The following PHACTR1 variants were observed in gnomAD, a reference collection of about 807,000 sequenced individuals.
PHACTR1 encodes the protein phosphatase and actin regulator 1.
In PHACTR1, 16 loss-of-function variants were observed where a neutral mutation model predicts 69.2. That is an observed-to-expected ratio of 0.23 (90% CI 0.16 to 0.35). The LOEUF is 0.35. PHACTR1 is among the 10% of genes least tolerant of loss of function. The pLI is 1.00. For synonymous variants in PHACTR1, 312 were observed against 284.5 expected, an observed-to-expected ratio of 1.10 and a Z score of -0.97; for missense variants, 510 against 734.7, an observed-to-expected ratio of 0.69 and a Z score of 3.54.
At chr6:12,933,162 C>T (rs748066414) in intron 4 of PHACTR1, among the ~76,000 whole-genome samples, 84 of 151,944 alleles carry the variant, frequency 5.5e-4, no homozygotes, top group Non-Finnish European at 1.0e-3. Context: ...TCTTGAACCC[C>T]GGACCTCAGG....
At chr6:12,926,724 G>A (rs185967277) in intron 4 of PHACTR1, among the ~76,000 whole-genome samples, 1 of 152,350 alleles carries the variant, frequency 6.6e-6, no homozygotes, top group Admixed American at 6.5e-5. Flanking sequence ...GATTTATAGA[G>A]TGACTTTCTC....
intron 6 of PHACTR1, among the ~76,000 whole-genome samples, chr6:13,171,967 G>A (rs576032797): frequency 3.4e-4 from 52 of 152,094 alleles, no homozygotes; most frequent in East Asian, 3.9e-4. Flanking sequence ...GGTTTTCACC[G>A]TGTTGGCCAG....
intron 4 of PHACTR1, among the ~76,000 whole-genome samples, chr6:12,803,326 C>G (rs994986926): frequency 1.1e-4 from 16 of 152,154 alleles, no homozygotes; most frequent in African/African-American, 3.6e-4. Context: ...CACTTCTTCC[C>G]CTCTCATCCT....
chr6:12,758,605 A>C (rs903768810), intron 4 of PHACTR1, among the ~76,000 whole-genome samples: 3 of 152,136 alleles, frequency 2.0e-5, no homozygotes, highest in African/African-American at 4.8e-5. Flanking sequence ...TAAATCACAG[A>C]GAAGTTACAT....
chr6:13,041,905 C>T (rs1804238947), intron 4 of PHACTR1, among the ~76,000 whole-genome samples: 1 of 152,152 alleles, frequency 6.6e-6, no homozygotes, highest in Non-Finnish European at 1.5e-5. Context: ...CCCTTGACTC[C>T]TCTGTGTCTC....
intron 8 of PHACTR1, among the ~76,000 whole-genome samples, chr6:13,227,494 G>A (rs781356593): frequency 6.6e-6 from 1 of 151,950 alleles, no homozygotes; most frequent in Non-Finnish European, 1.5e-5. Flanking sequence ...CATTAAGTAC[G>A]TTCACATCAT....
chr6:13,284,308 A>C (rs1780986782), intron 13 of PHACTR1, among the ~76,000 whole-genome samples: 1 of 151,826 alleles, frequency 6.6e-6, no homozygotes, highest in Admixed American at 6.6e-5. Flanking sequence ...ACTTGAGGTC[A>C]GGAGTTCAAG....
At chr6:13,144,574 T>C in intron 5 of PHACTR1, among the ~76,000 whole-genome samples, 1 of 152,088 alleles carries the variant, frequency 6.6e-6, no homozygotes, top group Middle Eastern at 3.4e-3. Context: ...CCCAATAGGT[T>C]TTTTTATGAA....
intron 5 of PHACTR1, among the ~76,000 whole-genome samples, chr6:13,109,647 G>A (rs779265408): frequency 1.3e-5 from 2 of 151,760 alleles, no homozygotes; most frequent in African/African-American, 2.4e-5. Flanking sequence ...GGTTTGTTAT[G>A]CTTTTTGGAT....
intron 4 of PHACTR1, among the ~76,000 whole-genome samples, chr6:12,899,228 C>A (rs989077652): frequency 6.6e-6 from 1 of 152,182 alleles, no homozygotes; most frequent in Non-Finnish European, 1.5e-5. Flanking sequence ...TTGCCCACAC[C>A]TATCACATGC....
At chr6:13,006,471 T>C (rs1798805526) in intron 4 of PHACTR1, among the ~76,000 whole-genome samples, 1 of 152,192 alleles carries the variant, frequency 6.6e-6, no homozygotes, top group Non-Finnish European at 1.5e-5. Flanking sequence ...GGGAAATTCA[T>C]TTAATCTCAC....
rs531073119 is a variant in PHACTR1, at chr6:12,871,841, A to T, written c.250+122051A>T. 3.7e-4 allele frequency among the ~76,000 whole-genome samples: 56 copies of T among 151,846 alleles called. 2 individuals carry two copies. The highest frequency in any genetic ancestry group is 1.3e-3 in the African/African-American group (55 of 41,398). On this transcript the variant is annotated intron_variant, in intron 4 of 14. Coordinates refer to ENST00000332995, the MANE Select transcript of PHACTR1 (RefSeq NM_030948.6). ...GAAATTGTTATTTAATAATTCTCCC[A>T]TTTCCTCTGCATTGATTAGCTGGTA...
At chr6:13,182,210 G>T (rs1045439370) in intron 6 of PHACTR1, among the ~76,000 whole-genome samples, 19 of 152,158 alleles carry the variant, frequency 1.2e-4, no homozygotes, top group African/African-American at 4.6e-4. Flanking sequence ...TCCAGCCTGG[G>T]CAACAAGAGT....
intron 4 of PHACTR1, among the ~76,000 whole-genome samples, chr6:12,811,034 G>A (rs563025179): frequency 6.6e-6 from 1 of 152,000 alleles, no homozygotes; most frequent in African/African-American, 2.4e-5. Context: ...GATTCAGTGG[G>A]TGCTCTGAGG....
intron 4 of PHACTR1, among the ~76,000 whole-genome samples, chr6:13,021,648 T>G (rs777122491): frequency 6.6e-6 from 1 of 152,212 alleles, no homozygotes; most frequent in African/African-American, 2.4e-5. Flanking sequence ...CAGCAATGAA[T>G]AGTATATAAA....
chr6:13,151,756 C>T (rs1824344280), intron 5 of PHACTR1, among the ~76,000 whole-genome samples: 1 of 152,056 alleles, frequency 6.6e-6, no homozygotes. Flanking sequence ...TGTATATGGT[C>T]TGGGAAGGTA....
At chr6:12,851,928 G>C (rs1779865934) in intron 4 of PHACTR1, among the ~76,000 whole-genome samples, 1 of 152,050 alleles carries the variant, frequency 6.6e-6, no homozygotes, top group Non-Finnish European at 1.5e-5. Context: ...TCCACCTCCT[G>C]GGTTCAAGCG....
chr6:13,011,104 G>C (rs1039674130), intron 4 of PHACTR1, among the ~76,000 whole-genome samples: 1 of 152,162 alleles, frequency 6.6e-6, no homozygotes, highest in African/African-American at 2.4e-5. Context: ...TTAAACTAAT[G>C]ATTCTCGAAT....
rs114533813 is a variant in PHACTR1, at chr6:13,060,911, A to G, written c.415+7382A>G. On this transcript the variant is annotated intron_variant, in intron 5 of 14. Coordinates refer to ENST00000332995, the MANE Select transcript of PHACTR1 (RefSeq NM_030948.6). ...GATTGGGTTAGTTTCCTAAGCTGCT[A>G]TAACAAATTACTATAAACTTGGTGG... 2.1e-3 allele frequency among the ~76,000 whole-genome samples: 324 copies of G among 152,366 alleles called. 2 individuals carry two copies. Among genetic ancestry groups the G allele is most frequent in the African/African-American group, 7.6e-3 (316 of 41,582 alleles).
Sources: allele counts gnomAD v4.1 joint callset (sites outside exome capture counted in the v4.1 genomes callset), GRCh38; gene constraint gnomAD v4.1.1; transcripts MANE v1.5; gene names NCBI Gene and HGNC (gene_info 2026-07-23, HGNC 2026-07-21).